ZNF618: variants seen among roughly 807,000 people sequenced by gnomAD.
ZNF618 encodes the protein zinc finger protein 618.
ZNF618 carries 34 observed loss-of-function variants against 103.0 expected under a neutral mutation model. The ratio of observed to expected loss-of-function variants is 0.33; its 90% CI spans 0.25 to 0.44. The LOEUF (loss-of-function observed/expected upper bound fraction) is 0.44, where lower values mean the gene tolerates loss of function less well. Ranked by LOEUF, ZNF618 falls within the 20% of genes least tolerant of loss-of-function variation. The pLI is 1.00. For synonymous variants in ZNF618, 551 were observed against 542.2 expected (o/e 1.02, Z -0.23); for missense variants, 1,059 against 1,295.4 (o/e 0.82, Z 2.80).
chr9:113,987,063 C>G (rs2133263847), intron 2 of ZNF618, among the ~76,000 whole-genome samples: 1 of 152,298 alleles, frequency 6.6e-6, no homozygotes, highest in South Asian at 2.1e-4. Context: ...TTGAAATTCA[C>G]AGACCATGCT....
intron 9 of ZNF618, chr9:114,016,075 G>A (rs1564301564): frequency 6.5e-7 from 1 of 1,534,070 alleles, no homozygotes; most frequent in East Asian, 2.2e-5. Flanking sequence ...TTTTTATTCT[G>A]TATTTGTATT....
At chr9:114,047,621 A>T (rs1254005940) in intron 13 of ZNF618, among the ~76,000 whole-genome samples, 1 of 152,052 alleles carries the variant, frequency 6.6e-6, no homozygotes, top group Non-Finnish European at 1.5e-5. Context: ...TTTGCTCCAT[A>T]CCACACACTG....
intron 2 of ZNF618, among the ~76,000 whole-genome samples, chr9:113,983,249 A>T (rs923850225): frequency 2.6e-5 from 4 of 152,250 alleles, no homozygotes; most frequent in African/African-American, 9.6e-5. Context: ...AAAAAATTTT[A>T]AAGAAGTTAG....
chr9:113,979,578 G>A (rs185440529), intron 2 of ZNF618, among the ~76,000 whole-genome samples: 1 of 152,348 alleles, frequency 6.6e-6, no homozygotes, highest in East Asian at 1.9e-4. Context: ...ACCATCGACA[G>A]TTACAGTGAT....
intron 1 of ZNF618, among the ~76,000 whole-genome samples, chr9:113,905,570 G>T (rs1316400513): frequency 6.6e-6 from 1 of 152,200 alleles, no homozygotes; most frequent in African/African-American, 2.4e-5. Flanking sequence ...AAAGCCTGTA[G>T]ACCAGGAGTC....
intron 1 of ZNF618, among the ~76,000 whole-genome samples, chr9:113,912,593 A>T (rs1401926945): frequency 1.3e-5 from 2 of 152,220 alleles, no homozygotes; most frequent in Non-Finnish European, 2.9e-5. Context: ...AAACTATTTT[A>T]TAAGCTCTGC....
At chr9:113,949,793 TC>T (rs531000792) in intron 1 of ZNF618, among the ~76,000 whole-genome samples, 253 of 152,334 alleles carry the variant, frequency 1.7e-3, no homozygotes, top group Non-Finnish European at 2.5e-3. Context: ...TGAGGGCCTT[TC>T]TAGGATCGTT....
At chr9:113,909,500 G>A (rs2131402665) in intron 1 of ZNF618, among the ~76,000 whole-genome samples, 1 of 152,308 alleles carries the variant, frequency 6.6e-6, no homozygotes, top group Admixed American at 6.5e-5. Context: ...TCAGGGCTCA[G>A]TGGGCAGCTG....
At position 113,911,805 on chromosome 9, in the gene ZNF618, T is replaced by C. The variant is rs1014287314; in HGVS notation, c.33+35392T>C. Among the ~76,000 whole-genome samples, 21 of 152,254 alleles carry C rather than the reference T, an allele frequency of 1.4e-4. 1 individual carries two copies. Among genetic ancestry groups the C allele is most frequent in the African/African-American group, 4.8e-4 (20 of 41,548 alleles). ...CTCGACAGCCCAACAGTGGCCTGTT[T>C]TGGGGGATGTTTTGCTATTTACAGG... On this transcript the variant is annotated intron_variant, in intron 1 of 14. Coordinates refer to ENST00000374126, the MANE Select transcript of ZNF618 (RefSeq NM_001318042.2).
chr9:113,990,964 G>C (rs1255022221), intron 3 of ZNF618, among the ~76,000 whole-genome samples: 1 of 152,210 alleles, frequency 6.6e-6, no homozygotes, highest in African/African-American at 2.4e-5. Context: ...ACCTGCACTT[G>C]CTCTCTTTGG....
intron 1 of ZNF618, among the ~76,000 whole-genome samples, chr9:113,943,428 C>T (rs979051384): frequency 6.6e-6 from 1 of 152,140 alleles, no homozygotes; most frequent in African/African-American, 2.4e-5. Context: ...CACTTGGCAG[C>T]TCTATATCCT....
Position 114,049,889 on chromosome 9 carries a change from G to T in ZNF618, c.2587G>T (p.Ala863Ser). The T allele has an allele frequency of 6.2e-7, 1 of 1,613,914 alleles. No individual in the cohort carries two copies. Residue 863 changes from alanine to serine, a missense_variant, in exon 15 of 15, where the codon GCT (alanine) becomes TCT (serine). Coordinates refer to ENST00000374126, the MANE Select transcript of ZNF618 (RefSeq NM_001318042.2). ...PRSAAVENPA[A>S]QEDDRLGKNE... is the part of the protein sequence containing the mutation. ...CTCTGCTGCCGTCGAGAACCCCGCA[G>T]CTCAGGAAGATGATCGGCTAGGCAA...
intron 4 of ZNF618, 46 bp from the exon 5 acceptor site, chr9:114,001,950 G>C: frequency 6.5e-7 from 1 of 1,545,792 alleles, no homozygotes; most frequent in Admixed American, 1.7e-5. Flanking sequence ...GGGACCTTGT[G>C]GTCACAGAGG....
At chr9:113,904,282 T>A (rs1830796916) in intron 1 of ZNF618, among the ~76,000 whole-genome samples, 1 of 152,110 alleles carries the variant, frequency 6.6e-6, no homozygotes, top group Admixed American at 6.5e-5. Flanking sequence ...GGTCTTTTTA[T>A]ATCTCCTGTG....
intron 1 of ZNF618, among the ~76,000 whole-genome samples, chr9:113,953,682 G>A (rs1413984048): frequency 2.6e-5 from 4 of 152,096 alleles, no homozygotes; most frequent in Non-Finnish European, 4.4e-5. Context: ...AATGTATGTG[G>A]GGGATTGATA....
intron 1 of ZNF618, among the ~76,000 whole-genome samples, chr9:113,877,257 C>A (rs984438106): frequency 1.3e-5 from 2 of 151,702 alleles, no homozygotes; most frequent in African/African-American, 4.8e-5. Context: ...AGTTTGGGTA[C>A]CCAACTCATT....
At chr9:114,008,606 AG>A in intron 9 of ZNF618, 52 bp downstream of exon 9, 1 of 1,603,016 alleles carries the variant, frequency 6.2e-7, no homozygotes, top group Non-Finnish European at 8.5e-7. Flanking sequence ...TGGCCAAGGG[AG>A]GCAGGGCTCA....
intron 6 of ZNF618, among the ~76,000 whole-genome samples, chr9:114,006,478 T>G (rs1241984107): frequency 6.6e-6 from 1 of 152,018 alleles, no homozygotes; most frequent in Non-Finnish European, 1.5e-5. Flanking sequence ...AACGTTAGAG[T>G]GTGCCATTGT....
chr9:114,032,794 G>A (rs995224568), intron 12 of ZNF618, 66 bp downstream of exon 12: 3 of 1,415,770 alleles, frequency 2.1e-6, no homozygotes, highest in Non-Finnish European at 3.0e-6. Context: ...CCCCCTGGCA[G>A]CCGCGGCAGC....
Sources: allele counts gnomAD v4.1 joint callset (sites outside exome capture counted in the v4.1 genomes callset), GRCh38; gene constraint gnomAD v4.1.1; transcripts MANE v1.5; gene names NCBI Gene and HGNC (gene_info 2026-07-23, HGNC 2026-07-21).